Variants in ARNT2 observed in about 807,000 individuals in gnomAD.
ARNT2 encodes the protein aryl hydrocarbon receptor nuclear translocator 2.
ARNT2 carries 36 observed loss-of-function variants against 91.7 expected under a neutral mutation model. The observed-to-expected ratio is 0.39, with a 90% CI of 0.30 to 0.52. ARNT2 has a LOEUF of 0.52. ARNT2 is among the 20% of genes least tolerant of loss of function. ARNT2 has a pLI of 0.72. For missense variants in ARNT2, 775 were observed against 939.3 expected (o/e 0.83, Z 2.29); for synonymous variants, 365 against 347.1 (o/e 1.05, Z -0.57).
intron 8 of ARNT2, among the ~76,000 whole-genome samples, chr15:80,543,777 G>C (rs1897948902): frequency 6.6e-6 from 1 of 152,070 alleles, no homozygotes; most frequent in Non-Finnish European, 1.5e-5. Context: ...TTTTTGAGCA[G>C]AGTCTCACTT....
intron 3 of ARNT2, among the ~76,000 whole-genome samples, chr15:80,460,565 C>A (rs1896537912): frequency 6.6e-6 from 1 of 152,232 alleles, no homozygotes; most frequent in Non-Finnish European, 1.5e-5. Flanking sequence ...CTCTTTCTCA[C>A]ACATGGGATT....
intron 5 of ARNT2, among the ~76,000 whole-genome samples, chr15:80,491,929 A>T (rs1415357557): frequency 6.6e-6 from 1 of 151,860 alleles, no homozygotes; most frequent in African/African-American, 2.4e-5. Flanking sequence ...CACTGAAAAG[A>T]CAATTCTTTC....
At chr15:80,483,730 A>G (rs1160076117) in intron 5 of ARNT2, among the ~76,000 whole-genome samples, 1 of 152,234 alleles carries the variant, frequency 6.6e-6, no homozygotes, top group African/African-American at 2.4e-5. Flanking sequence ...GAGCAGGAAG[A>G]AAGCCAGTTA....
rs1898771782 is a variant in ARNT2 at position 80,580,445 on chromosome 15, A to G, written c.1648A>G (p.Ile550Val). The change falls in exon 16 of 19, where the codon ATT (isoleucine) becomes GTT (valine). Residue 550 changes from isoleucine (I) to valine (V), a missense_variant. By Grantham distance (29) the Ile-to-Val change is conservative (BLOSUM62 3). Coordinates refer to ENST00000303329, the MANE Select transcript of ARNT2 (RefSeq NM_014862.4). ...GGTTCATGTGCCTGGAGTGAATGAT[A>G]TTCAGTCCTCTTCTTCCACGGGCCA... ...SVVHVPGVNDIQSSSSTGQNM... is the reference protein window; with the variant it reads ...SVVHVPGVNDVQSSSSTGQNM... 3.1e-6 allele frequency: 5 copies of G among 1,614,080 alleles called. No individual in the cohort carries two copies. The highest frequency in any genetic ancestry group is 4.2e-6 in the Non-Finnish European group (5 of 1,180,006).
chr15:80,514,020 A>G (rs1427388505), intron 7 of ARNT2, 44 bp downstream of exon 7: 2 of 1,559,326 alleles, frequency 1.3e-6, no homozygotes, highest in Non-Finnish European at 1.8e-6. Flanking sequence ...GTTCTGGTAG[A>G]TAGTCTAAAC....
intron 12 of ARNT2, 63 bp downstream of exon 12, chr15:80,563,302 C>A: frequency 6.3e-7 from 1 of 1,593,200 alleles, no homozygotes; most frequent in Non-Finnish European, 8.6e-7. Flanking sequence ...CCAGAGCTGG[C>A]AATTTTATTT....
chr15:80,563,538 C>G (rs753670205), intron 12 of ARNT2, among the ~76,000 whole-genome samples: 1 of 152,228 alleles, frequency 6.6e-6, no homozygotes, highest in African/African-American at 2.4e-5. Flanking sequence ...TGAGCATGGA[C>G]CTCAGCCAAC....
intron 8 of ARNT2, among the ~76,000 whole-genome samples, chr15:80,529,851 A>G (rs1487321643): frequency 6.6e-6 from 1 of 152,190 alleles, no homozygotes; most frequent in Non-Finnish European, 1.5e-5. Context: ...CAAATCTTCT[A>G]TTCATGGTTA....
intron 8 of ARNT2, among the ~76,000 whole-genome samples, chr15:80,548,157 C>T (rs1313142546): frequency 6.6e-6 from 1 of 152,086 alleles, no homozygotes; most frequent in African/African-American, 2.4e-5. Flanking sequence ...TATGCCTCAA[C>T]TAAAACAACA....
chr15:80,508,032 C>A, intron 5 of ARNT2, 124 bp from the exon 6 acceptor site: 1 of 843,560 alleles, frequency 1.2e-6, no homozygotes, highest in Non-Finnish European at 1.9e-6. Flanking sequence ...AAGACACAAA[C>A]AATTTGCACA....
At chr15:80,473,441 C>T (rs971897860) in intron 4 of ARNT2, among the ~76,000 whole-genome samples, 11 of 152,220 alleles carry the variant, frequency 7.2e-5, no homozygotes, top group Non-Finnish European at 1.5e-4. Context: ...TCAGTCTCCA[C>T]TTCCTCTCCT....
At chr15:80,519,654 C>T (rs1006523593) in intron 8 of ARNT2, among the ~76,000 whole-genome samples, 2 of 148,656 alleles carry the variant, frequency 1.3e-5, no homozygotes, top group African/African-American at 2.5e-5. Context: ...AAGGAATTTC[C>T]TTATGAACAA....
intron 12 of ARNT2, among the ~76,000 whole-genome samples, chr15:80,567,442 C>A (rs1348023347): frequency 6.6e-6 from 1 of 152,172 alleles, no homozygotes; most frequent in African/African-American, 2.4e-5. Flanking sequence ...CCATAACGTT[C>A]TTGAGCTCCA....
chr15:80,548,065 A>G (rs985800774), intron 8 of ARNT2, among the ~76,000 whole-genome samples: 1 of 152,334 alleles, frequency 6.6e-6, no homozygotes, highest in East Asian at 1.9e-4. Flanking sequence ...GAAAAATACC[A>G]AAGGAGAATA....
At chr15:80,477,100 A>G (rs902328198) in intron 5 of ARNT2, among the ~76,000 whole-genome samples, 3 of 152,194 alleles carry the variant, frequency 2.0e-5, no homozygotes, top group Non-Finnish European at 4.4e-5. Flanking sequence ...ACCTTCCGCC[A>G]TGATTGTAAG....
chr15:80,553,855 G>A (rs1898128268), intron 10 of ARNT2, among the ~76,000 whole-genome samples: 1 of 152,158 alleles, frequency 6.6e-6, no homozygotes, highest in South Asian at 2.1e-4. Context: ...TTAGGACTCT[G>A]CATATAATTC....
rs141207271 is a variant in ARNT2 at position 80,540,572 on chromosome 15, G to A, written c.878-10627G>A. 2.6e-5 allele frequency among the ~76,000 whole-genome samples: 4 copies of A among 152,244 alleles called. No homozygotes were observed. The East Asian group carries it at 7.7e-4, about 29-fold the overall frequency. On this transcript the variant is annotated intron_variant, in intron 8 of 18. Coordinates refer to ENST00000303329, the MANE Select transcript of ARNT2 (RefSeq NM_014862.4). ...GCCTGGGTATATTGCTGATGCTGAG[G>A]TTTAGGGTATGGTTGATCCCATCAC...
rs184890266 is a variant in ARNT2, at chr15:80,467,352, C to T, written c.195-2866C>T. 2.0e-5 allele frequency among the ~76,000 whole-genome samples: 3 copies of T among 152,268 alleles called. No homozygotes were observed. In the East Asian group the frequency reaches 5.8e-4, roughly 29 times the overall value. On this transcript the variant is annotated intron_variant, in intron 3 of 18. Transcript: ENST00000303329. ...ATTTTGAGGGACGGGAGCAGTTCCA[C>T]GTGTGCTGAATCGAAGATAAGTAGG...
chr15:80,583,427 A>C (rs1946132274), intron 17 of ARNT2, among the ~76,000 whole-genome samples: 1 of 152,228 alleles, frequency 6.6e-6, no homozygotes, highest in Non-Finnish European at 1.5e-5. Flanking sequence ...GACGGGACAC[A>C]GGAAGGACGA....
Sources: gnomAD v4.1 joint callset for allele counts (sites outside exome capture counted in the v4.1 genomes callset) on GRCh38, gnomAD v4.1.1 for gene constraint, MANE v1.5 for transcripts, NCBI Gene and HGNC (gene_info 2026-07-23, HGNC 2026-07-21) for gene names.